The following SLC49A4 variants were observed in gnomAD, a reference collection of about 807,000 sequenced individuals.
SLC49A4 encodes the protein disrupted in renal cancer protein 2.
SLC49A4 carries 36 observed loss-of-function variants against 50.6 expected under a neutral mutation model. The observed-to-expected ratio is 0.71, with a 90% CI of 0.55 to 0.94. SLC49A4 has a LOEUF of 0.94. Among genes scored for constraint, SLC49A4 ranks in the 40% least tolerant of loss-of-function variants. The pLI is 0.00. For synonymous variants in SLC49A4, 248 were observed against 241.2 expected (o/e 1.03, Z -0.26); for missense variants, 503 against 605.7 (o/e 0.83, Z 1.78).
chr3:122,874,457 A>G (rs537677025), intron 8 of SLC49A4, among the ~76,000 whole-genome samples: 1 of 152,300 alleles, frequency 6.6e-6, no homozygotes, highest in South Asian at 2.1e-4. Context: ...ATAATCAAGG[A>G]TTTTTCTAGC....
chr3:122,817,565 T>C (rs1936388912), intron 2 of SLC49A4, among the ~76,000 whole-genome samples: 1 of 151,926 alleles, frequency 6.6e-6, no homozygotes, highest in Non-Finnish European at 1.5e-5. Flanking sequence ...AGAGTGTGTG[T>C]GTGTGTATTT....
intron 4 of SLC49A4, among the ~76,000 whole-genome samples, chr3:122,836,923 A>G (rs563050684): frequency 1.3e-5 from 2 of 152,204 alleles, no homozygotes; most frequent in East Asian, 1.9e-4. Flanking sequence ...CCAATAGCAG[A>G]CAAACAGAGC....
intron 4 of SLC49A4, among the ~76,000 whole-genome samples, chr3:122,842,608 CGTGAGTCACTGAA>C (rs1936788294): frequency 6.7e-6 from 1 of 149,664 alleles, no homozygotes. Flanking sequence ...TGTAGGAAAT[CGTGAGTCACTGAA>C]GGATTTTAAG....
At chr3:122,869,520 A>G (rs1937167598) in intron 7 of SLC49A4, among the ~76,000 whole-genome samples, 1 of 151,872 alleles carries the variant, frequency 6.6e-6, no homozygotes. Context: ...TTCACACTGT[A>G]TTTTTTTGGA....
intron 1 of SLC49A4, among the ~76,000 whole-genome samples, chr3:122,797,057 TCTCTC>T (rs1210248936): frequency 6.6e-6 from 1 of 152,196 alleles, no homozygotes; most frequent in African/African-American, 2.4e-5. Flanking sequence ...TATACTTCCT[TCTCTC>T]CTCCTTCACT....
intron 2 of SLC49A4, among the ~76,000 whole-genome samples, chr3:122,815,393 T>G (rs1936350711): frequency 6.6e-6 from 1 of 152,170 alleles, no homozygotes; most frequent in South Asian, 2.1e-4. Context: ...CTGGCCTGTT[T>G]GTGTCATTTC....
intron 1 of SLC49A4, among the ~76,000 whole-genome samples, chr3:122,803,888 G>A (rs1936172199): frequency 6.6e-6 from 1 of 152,212 alleles, no homozygotes. Flanking sequence ...TATTTTCAAT[G>A]ATGTTTGTTT....
At chr3:122,864,304 C>T (rs1937090044) in intron 7 of SLC49A4, among the ~76,000 whole-genome samples, 1 of 152,112 alleles carries the variant, frequency 6.6e-6, no homozygotes, top group Admixed American at 6.5e-5. Flanking sequence ...AACCTCATGA[C>T]CAGATAACAC....
At chr3:122,875,217 A>T (rs1937250211) in intron 8 of SLC49A4, among the ~76,000 whole-genome samples, 1 of 152,228 alleles carries the variant, frequency 6.6e-6, no homozygotes, top group African/African-American at 2.4e-5. Context: ...AACATTTTAT[A>T]TGATAAACTG....
chr3:122,838,198 G>C (rs974170929), intron 4 of SLC49A4, among the ~76,000 whole-genome samples: 21 of 152,124 alleles, frequency 1.4e-4, no homozygotes, highest in Middle Eastern at 3.4e-3. Flanking sequence ...CCCAGCCATC[G>C]CATTACTGGG....
intron 5 of SLC49A4, among the ~76,000 whole-genome samples, chr3:122,854,730 A>C (rs1033443784): frequency 6.6e-6 from 1 of 152,238 alleles, no homozygotes; most frequent in African/African-American, 2.4e-5. Context: ...CATCTAGCTA[A>C]GTACCCAGGT....
Position 122,795,299 on chromosome 3 carries a change from C to G in SLC49A4, c.107C>G (p.Ala36Gly). ...AGAAGCCGGGAGGCGGCGGCGGCGG[C>G]GCTGCCCGCGGCGGTCCCGGGTCCC... Reference protein sequence around the residue: ...SWRSREAAAAALPAAVPGPGR... With the variant: ...SWRSREAAAAGLPAAVPGPGR... The change falls in exon 1 of 9, where the codon GCG (alanine) becomes GGG (glycine). Residue 36 changes from alanine (A) to glycine (G), a missense_variant. Coordinates refer to ENST00000261038, the MANE Select transcript of SLC49A4 (RefSeq NM_032839.3). 1.4e-6 allele frequency: 2 copies of G among 1,443,932 alleles called. No homozygotes were observed. Among genetic ancestry groups the G allele is most frequent in the South Asian group, 2.8e-5 (2 of 71,038 alleles). The allele number at this position is 1,443,932 out of a possible 1,614,324, so 89.4% of individuals were successfully genotyped here.
In SLC49A4 at chr3:122,845,687, A is replaced by G. The variant is rs1310057711; in HGVS notation, c.834-76A>G. On this transcript the variant is annotated intron_variant, in intron 4 of 8. Coordinates refer to ENST00000261038, the MANE Select transcript of SLC49A4 (RefSeq NM_032839.3). ...ATTCTGGTGTTCCAGTTTCCAAATG[A>G]CATACATTTTTCATGACTAAGTTTA... The G allele has an allele frequency of 6.7e-6, 4 of 593,726 alleles. No homozygotes were observed. In the African/African-American group the frequency reaches 8.2e-5, roughly 12 times the overall value. The allele number at this position is 593,726 out of a possible 1,614,324, so 36.8% of individuals were successfully genotyped here.
intron 3 of SLC49A4, among the ~76,000 whole-genome samples, chr3:122,830,962 TA>T (rs1038660668): frequency 6.6e-6 from 1 of 152,068 alleles, no homozygotes; most frequent in Admixed American, 6.6e-5. Flanking sequence ...AAGAAGTGGG[TA>T]AAGGACTCAA....
chr3:122,854,606 G>A (rs1048220932), intron 5 of SLC49A4, among the ~76,000 whole-genome samples: 1 of 152,212 alleles, frequency 6.6e-6, no homozygotes, highest in Admixed American at 6.5e-5. Context: ...GCATGGAGGA[G>A]GCATACACCT....
In SLC49A4 at chr3:122,879,424, T is replaced by C. The variant is rs1349122282; in HGVS notation, c.*46T>C. 7 of 1,364,188 alleles carry C rather than the reference T, an allele frequency of 5.1e-6. No homozygotes were observed. Among genetic ancestry groups the C allele is most frequent in the South Asian group, 2.4e-5 (2 of 83,128 alleles). 84.5% of individuals were successfully genotyped at this position (1,364,188 alleles called of 1,614,324 possible). A position where few individuals can be genotyped will look rare whatever the true frequency, so the allele number is the denominator to read the frequency against. On this transcript the variant is annotated 3_prime_UTR_variant, in exon 9 of 9. Transcript: ENST00000261038. ...TTAAAAGGAGGCTGGAAATCAATAC[T>C]GCACACTGCACATTTGCTCAGAATT...
rs1452944024 is a variant in SLC49A4, at chr3:122,860,205, G to A, written c.1138+3G>A. 1.1e-5 allele frequency: 17 copies of A among 1,583,610 alleles called. No homozygotes were observed. Among genetic ancestry groups the A allele is most frequent in the African/African-American group, 1.4e-5 (1 of 73,508 alleles). ...CACACACCTACCTTTAACCACAGGT[G>A]AGCATAGGCTATTTTTGAACTTTTA... is the stretch of plus-strand genomic sequence containing the variant. On this transcript the variant is annotated splice_donor_region_variant and intron_variant, in intron 7 of 8. Transcript: ENST00000261038.
intron 2 of SLC49A4, among the ~76,000 whole-genome samples, chr3:122,825,726 T>C (rs1171007385): frequency 1.3e-5 from 2 of 151,388 alleles, no homozygotes; most frequent in African/African-American, 4.9e-5. Flanking sequence ...AAATGTCACA[T>C]GTACTGTCCC....
chr3:122,876,707 G>GA (rs1937272150), intron 8 of SLC49A4, among the ~76,000 whole-genome samples: 1 of 152,218 alleles, frequency 6.6e-6, no homozygotes, highest in Admixed American at 6.5e-5. Context: ...GGTAGAAACC[G>GA]AAAGCGTGAC....
Sources: allele counts gnomAD v4.1 joint callset (sites outside exome capture counted in the v4.1 genomes callset), GRCh38; gene constraint gnomAD v4.1.1; transcripts MANE v1.5; gene names NCBI Gene and HGNC (gene_info 2026-07-23, HGNC 2026-07-21).